Variants in CUL5 observed in about 807,000 individuals in gnomAD.
The protein encoded by CUL5 is cullin-5.
In CUL5, 26 loss-of-function variants were observed where a neutral mutation model predicts 108.8. The ratio of observed to expected loss-of-function variants is 0.24; its 90% CI spans 0.18 to 0.33. CUL5 has a LOEUF of 0.33. CUL5 is among the 10% of genes least tolerant of loss of function. The probability of loss-of-function intolerance (pLI) is 1.00; values close to 1 mark genes in which losing one functional copy is unlikely to be tolerated. For missense variants in CUL5, 524 were observed against 909.2 expected (o/e 0.58, Z 5.45); for synonymous variants, 334 against 298.0 (o/e 1.12, Z -1.25).
intron 11 of CUL5, among the ~76,000 whole-genome samples, chr11:108,081,712 A>G (rs1864089663): frequency 6.6e-6 from 1 of 152,200 alleles, no homozygotes; most frequent in Non-Finnish European, 1.5e-5. Flanking sequence ...AGATGGCGCT[A>G]CTGCACTCCA....
At chr11:108,038,534 G>A (rs1372732273) in intron 2 of CUL5, among the ~76,000 whole-genome samples, 1 of 152,026 alleles carries the variant, frequency 6.6e-6, no homozygotes, top group Non-Finnish European at 1.5e-5. Context: ...AATTACCTGA[G>A]TGCGGTGGTG....
Position 108,098,503 on chromosome 11 carries a change from G to A in CUL5, c.2122G>A (p.Val708Ile). 1 of 1,582,284 alleles carries A rather than the reference G, an allele frequency of 6.3e-7. No individual in the cohort carries two copies. The highest frequency in any genetic ancestry group is 8.6e-7 in the Non-Finnish European group (1 of 1,165,246). Residue 708 changes from valine (V) to isoleucine (I), a missense_variant, in exon 18 of 19, where the codon GTT becomes ATT. By Grantham distance (29) the Val-to-Ile change is conservative. This residue lies in a region of CUL5 where 66 missense variants were observed against 81.4 expected (regional missense o/e 0.81). Transcript: ENST00000393094. ...RMREEENEGI[V>I]QLRILRTQEA... Reference sequence around the variant, plus strand: ...GAGAGAAGAAGAGAATGAAGGAATAGTTCAACTACGAATACTAAGAACCCA... The same window carrying A: ...GAGAGAAGAAGAGAATGAAGGAATAATTCAACTACGAATACTAAGAACCCA...
chr11:108,013,660 G>T (rs1237873599), intron 1 of CUL5, among the ~76,000 whole-genome samples: 2 of 152,004 alleles, frequency 1.3e-5, no homozygotes, highest in Non-Finnish European at 2.9e-5. Context: ...GTATATAACC[G>T]AACCACAAGA....
At chr11:108,046,422 C>A in intron 3 of CUL5, 53 bp downstream of exon 3, 1 of 1,007,522 alleles carries the variant, frequency 9.9e-7, no homozygotes, top group Non-Finnish European at 1.5e-6. Context: ...CAGATAATAT[C>A]ATATTTTATT....
chr11:108,028,002 T>C (rs1591280940), intron 1 of CUL5, among the ~76,000 whole-genome samples: 1 of 152,328 alleles, frequency 6.6e-6, no homozygotes, highest in Middle Eastern at 3.4e-3. Context: ...TAATGTTGGA[T>C]ATCTAAAACC....
chr11:108,058,557 T>G (rs1049449604), intron 7 of CUL5, among the ~76,000 whole-genome samples: 1 of 146,518 alleles, frequency 6.8e-6, no homozygotes, highest in Non-Finnish European at 1.5e-5. Context: ...CCAAAGTGAT[T>G]TTTTTTTTTT....
intron 13 of CUL5, among the ~76,000 whole-genome samples, chr11:108,093,145 T>G (rs1397403078): frequency 6.6e-6 from 1 of 152,240 alleles, no homozygotes; most frequent in Non-Finnish European, 1.5e-5. Context: ...TTATGGTAGA[T>G]AAATTATCTG....
intron 3 of CUL5, among the ~76,000 whole-genome samples, chr11:108,047,275 C>A (rs1360543769): frequency 2.0e-5 from 3 of 152,076 alleles, no homozygotes; most frequent in Non-Finnish European, 4.4e-5. Flanking sequence ...CGTGATCATG[C>A]CATTGCACTC....
intron 3 of CUL5, among the ~76,000 whole-genome samples, chr11:108,048,752 C>T (rs957023328): frequency 2.7e-5 from 4 of 148,262 alleles, no homozygotes; most frequent in Non-Finnish European, 1.5e-5. Context: ...CTACAACCTC[C>T]GCCTCCTGGA....
In CUL5 at chr11:108,094,405, A is replaced by G; in HGVS notation, c.1458A>G (p.Pro486=). ...MVEWLREVGM[P]ADYVNKLARM... ...TATATTTATAGGAAGTTGGTATGCC[A>G]GCGGATTATGTAAACAAGCTTGCTA... is the stretch of plus-strand genomic sequence containing the variant. Residue 486 remains proline (P), a synonymous_variant, in exon 14 of 19, where the codon CCA becomes CCG. Transcript: ENST00000393094. 1 of 1,583,616 alleles carries G rather than the reference A, an allele frequency of 6.3e-7. No individual in the cohort carries two copies. Among genetic ancestry groups the G allele is most frequent in the Non-Finnish European group, 8.6e-7 (1 of 1,167,300 alleles).
intron 13 of CUL5, among the ~76,000 whole-genome samples, chr11:108,092,983 A>G (rs1055164681): frequency 2.0e-5 from 3 of 151,884 alleles, no homozygotes; most frequent in Non-Finnish European, 4.4e-5. Flanking sequence ...TGCCCAGCTA[A>G]TTTTTGTATT....
At chr11:108,063,467 C>G (rs904907532) in intron 7 of CUL5, among the ~76,000 whole-genome samples, 1 of 151,816 alleles carries the variant, frequency 6.6e-6, no homozygotes, top group African/African-American at 2.4e-5. Flanking sequence ...CAGTAAGGTT[C>G]CTTCCAAATC....
chr11:108,028,037 G>T (rs1285989705), intron 1 of CUL5, among the ~76,000 whole-genome samples: 1 of 152,078 alleles, frequency 6.6e-6, no homozygotes, highest in Non-Finnish European at 1.5e-5. Flanking sequence ...CCATCTTTAT[G>T]TATCACTTCT....
At chr11:108,017,595 A>G (rs910347479) in intron 1 of CUL5, among the ~76,000 whole-genome samples, 1 of 151,856 alleles carries the variant, frequency 6.6e-6, no homozygotes, top group Non-Finnish European at 1.5e-5. Context: ...CACGCCTGTA[A>G]TTGCAGCACT....
chr11:108,036,518 G>T (rs1862748151), intron 2 of CUL5, among the ~76,000 whole-genome samples: 1 of 152,006 alleles, frequency 6.6e-6, no homozygotes, highest in Non-Finnish European at 1.5e-5. Flanking sequence ...TTGCTTTGTT[G>T]CCCAGGCTGG....
At chr11:108,093,085 G>C (rs1242164106) in intron 13 of CUL5, among the ~76,000 whole-genome samples, 1 of 152,138 alleles carries the variant, frequency 6.6e-6, no homozygotes, top group Non-Finnish European at 1.5e-5. Flanking sequence ...CAAAGTGCTG[G>C]GATTACAGGC....
Position 108,049,895 on chromosome 11 carries a change from A to T in CUL5, c.240A>T (p.Val80=), listed in dbSNP as rs1259514437. The change falls in exon 4 of 19, where the codon GTA becomes GTT. Residue 80 remains valine (V), a synonymous_variant. Coordinates refer to ENST00000393094, the MANE Select transcript of CUL5 (RefSeq NM_003478.6). Reference sequence around the variant, plus strand: ...GGTACACCTCTTTTTTTCAGCGAGTACTGAGCCATCAAGATGATACGGCTT... The same window carrying T: ...GGTACACCTCTTTTTTTCAGCGAGTTCTGAGCCATCAAGATGATACGGCTT... ...LEFIKQAQAR[V]LSHQDDTALL... is the part of the protein sequence containing the mutation. The T allele has an allele frequency of 1.2e-6, 2 of 1,611,896 alleles. No individual in the cohort carries two copies. Among genetic ancestry groups the T allele is most frequent in the East Asian group, 2.2e-5 (1 of 44,770 alleles).
chr11:108,079,395 C>T lies in CUL5; in HGVS notation c.1178+1155C>T, dbSNP rs572398819. ...TGCTGGGATTACAGGCGTGAGCCAC[C>T]GCACCCAGTCCCAAGCATTTTTTTT... On this transcript the variant is annotated intron_variant, in intron 11 of 18. Coordinates refer to ENST00000393094, the MANE Select transcript of CUL5 (RefSeq NM_003478.6). Among the ~76,000 whole-genome samples, 36 of 152,214 alleles carry T rather than the reference C, an allele frequency of 2.4e-4. No individual in the cohort carries two copies. In the Middle Eastern group the frequency reaches 0.024, roughly 101 times the overall value.
intron 7 of CUL5, among the ~76,000 whole-genome samples, chr11:108,059,160 A>G (rs1863473293): frequency 6.6e-6 from 1 of 152,176 alleles, no homozygotes; most frequent in Non-Finnish European, 1.5e-5. Context: ...CAGTAGGCGC[A>G]TGCAACCACA....
Sources: gnomAD v4.1 joint callset for allele counts (sites outside exome capture counted in the v4.1 genomes callset) on GRCh38, gnomAD v4.1.1 for gene constraint, gnomAD v4.1.1 regional missense constraint, MANE v1.5 for transcripts, NCBI Gene and HGNC (gene_info 2026-07-23, HGNC 2026-07-21) for gene names.